The following PCM1 variants were observed in gnomAD, a reference collection of about 807,000 sequenced individuals.
The protein encoded by PCM1 is pericentriolar material 1.
Under a neutral mutation model 241.9 loss-of-function variants are expected in PCM1, and 157 were observed. That is an observed-to-expected ratio of 0.65 (90% CI 0.57 to 0.74). The LOEUF (loss-of-function observed/expected upper bound fraction) is 0.74. Among genes scored for constraint, PCM1 ranks in the 30% least tolerant of loss-of-function variants. The pLI, the probability that PCM1 is intolerant of heterozygous loss-of-function variation, is 0.00. For missense variants in PCM1, 3,478 were observed against 2,360.1 expected, an observed-to-expected ratio of 1.47 and a Z score of -9.81; for synonymous variants, 1,085 against 784.9, an observed-to-expected ratio of 1.38 and a Z score of -6.39.
chr8:17,932,919 T>A (rs2059441504), intron 2 of PCM1, among the ~76,000 whole-genome samples: 3 of 152,184 alleles, frequency 2.0e-5, no homozygotes, highest in African/African-American at 7.2e-5. Context: ...TACTGTGAAT[T>A]AACTTTTTTT....
At chr8:17,929,666 C>T (rs1489712252) in intron 2 of PCM1, among the ~76,000 whole-genome samples, 1 of 152,186 alleles carries the variant, frequency 6.6e-6, no homozygotes. Flanking sequence ...TCTTCTGCTT[C>T]TTTATCGCCC....
In PCM1 at chr8:17,949,568, G is replaced by A. The variant is rs140867952; in HGVS notation, c.962-1047G>A. On this transcript the variant is annotated intron_variant, in intron 7 of 38. Coordinates refer to ENST00000325083, the MANE Select transcript of PCM1 (RefSeq NM_006197.4). The stretch of plus-strand genomic sequence containing the variant: ...CTGGAATACAGTGGGCGTGATCTTG[G>A]CTCACTGCAGCCTCTGCCTCGCAGG... 7.4e-3 allele frequency among the ~76,000 whole-genome samples: 1,112 copies of A among 149,934 alleles called. 13 individuals carry two copies. The highest frequency in any genetic ancestry group is 0.025 in the African/African-American group (1,016 of 40,668).
chr8:17,949,802 T>C (rs2065312525), intron 7 of PCM1, among the ~76,000 whole-genome samples: 1 of 152,206 alleles, frequency 6.6e-6, no homozygotes, highest in African/African-American at 2.4e-5. Flanking sequence ...TGGCCACCAA[T>C]GTCTGTTTTA....
At chr8:17,982,094 G>A (rs958350946) in intron 24 of PCM1, among the ~76,000 whole-genome samples, 1 of 152,156 alleles carries the variant, frequency 6.6e-6, no homozygotes, top group Non-Finnish European at 1.5e-5. Flanking sequence ...ACATTTGTTT[G>A]CATTTTGAAA....
chr8:17,934,526 G>C (rs1231346872), intron 2 of PCM1, among the ~76,000 whole-genome samples: 1 of 152,172 alleles, frequency 6.6e-6, no homozygotes, highest in Non-Finnish European at 1.5e-5. Flanking sequence ...TTCTCAAAGT[G>C]CTGGGATTAC....
intron 29 of PCM1, among the ~76,000 whole-genome samples, chr8:18,005,031 C>T (rs1276258143): frequency 6.6e-6 from 1 of 152,108 alleles, no homozygotes; most frequent in Non-Finnish European, 1.5e-5. Flanking sequence ...GCTGTTTGTA[C>T]AAGTTGTCTT....
chr8:17,962,146 C>A lies in PCM1; in HGVS notation c.2435C>A (p.Pro812His), dbSNP rs772852962. ...ETSTSKSVFE[P>H]EDSSIVDNEL... Reference sequence around the variant, plus strand: ...AGTACAAGCAAATCTGTTTTTGAGCCTGAAGATTCTTCAATAGTAGATAAT... The same window carrying A: ...AGTACAAGCAAATCTGTTTTTGAGCATGAAGATTCTTCAATAGTAGATAAT... Residue 812 changes from proline (P) to histidine (H), a missense_variant, in exon 16 of 39, where the codon CCT (proline) becomes CAT (histidine). Transcript: ENST00000325083. The A allele has an allele frequency of 1.1e-5, 17 of 1,608,064 alleles. No individual in the cohort carries two copies. The highest frequency in any genetic ancestry group is 3.4e-5 in the Admixed American group (2 of 59,298).
rs1285233258 is a variant in PCM1 at position 17,960,373 on chromosome 8, G to A, written c.2251G>A (p.Glu751Lys). 3.1e-6 allele frequency: 5 copies of A among 1,608,550 alleles called. No homozygotes were observed. The highest frequency in any genetic ancestry group is 2.7e-5 in the African/African-American group (2 of 74,474). Residue 751 changes from glutamate (E) to lysine (K), a missense_variant, in exon 15 of 39, where the codon GAA (glutamate) becomes AAA (lysine). Coordinates refer to ENST00000325083, the MANE Select transcript of PCM1 (RefSeq NM_006197.4). Reference protein sequence around the residue: ...QQQRELKQLQEERKKLIDIQE... With the variant: ...QQQRELKQLQKERKKLIDIQE... ...ACAGAGAGAGCTAAAACAATTGCAG[G>A]AAGAAAGAAAGAAACTGATTGACAT...
At chr8:17,950,973 C>T (rs998384185) in intron 8 of PCM1, among the ~76,000 whole-genome samples, 2 of 152,168 alleles carry the variant, frequency 1.3e-5, no homozygotes, top group Non-Finnish European at 2.9e-5. Context: ...GGAGAGTTTA[C>T]TTTGAAGGAA....
chr8:17,996,412 T>A (rs2086768746), intron 29 of PCM1, among the ~76,000 whole-genome samples: 1 of 152,326 alleles, frequency 6.6e-6, no homozygotes, highest in Non-Finnish European at 1.5e-5. Flanking sequence ...ATCATCTTTT[T>A]AATGTGTTGT....
intron 22 of PCM1, among the ~76,000 whole-genome samples, chr8:17,970,557 T>C (rs1353861792): frequency 6.6e-6 from 1 of 152,102 alleles, no homozygotes; most frequent in East Asian, 1.9e-4. Flanking sequence ...TTCTATCTTT[T>C]TCCTGTTAAA....
At chr8:17,977,227 G>A (rs1215779670) in intron 23 of PCM1, among the ~76,000 whole-genome samples, 1 of 151,816 alleles carries the variant, frequency 6.6e-6, no homozygotes, top group Non-Finnish European at 1.5e-5. Context: ...ACTCTTTATT[G>A]CTGGTTTTAT....
chr8:17,928,445 C>A (rs1366282051), intron 2 of PCM1, among the ~76,000 whole-genome samples: 1 of 152,028 alleles, frequency 6.6e-6, no homozygotes, highest in Non-Finnish European at 1.5e-5. Flanking sequence ...TGCTAAGCAG[C>A]CTCCAACCCA....
Position 18,028,386 on chromosome 8 carries a change from AAAAT to A in PCM1, c.*727_*730del, listed in dbSNP as rs2094364217. 5.2e-6 allele frequency: 1 copy of A among 193,014 alleles called. No homozygotes were observed. The highest frequency in any genetic ancestry group is 2.3e-5 in the African/African-American group (1 of 43,102). 12.0% of individuals were successfully genotyped at this position (193,014 alleles called of 1,614,324 possible). ...ACATCGCCTCAGACTAAAAGTAAAA[AAAAT>A]AAGCTTTATATAATTAGGGAGATTT... On this transcript the variant is annotated 3_prime_UTR_variant, in exon 39 of 39. Coordinates refer to ENST00000325083, the MANE Select transcript of PCM1 (RefSeq NM_006197.4).
In PCM1 at chr8:18,004,212, G is replaced by T. The variant is rs542602785; in HGVS notation, c.4828-2051G>T. 3.9e-5 allele frequency among the ~76,000 whole-genome samples: 6 copies of T among 152,192 alleles called. No individual in the cohort carries two copies. The East Asian group carries it at 1.2e-3, about 29-fold the overall frequency. ...ATACAATAAAATATTTAATACTTGA[G>T]CGAAATAGAAGTCACCTTGAGTCTG... is the stretch of plus-strand genomic sequence containing the variant. On this transcript the variant is annotated intron_variant, in intron 29 of 38. Coordinates refer to ENST00000325083, the MANE Select transcript of PCM1 (RefSeq NM_006197.4).
intron 23 of PCM1, 116 bp from the exon 24 acceptor site, chr8:17,980,475 C>T: frequency 1.4e-6 from 1 of 718,504 alleles, no homozygotes; most frequent in African/African-American, 1.8e-5. Flanking sequence ...CTATTTATAC[C>T]AGGCCTTCCT....
chr8:18,009,627 C>A lies in PCM1; in HGVS notation c.5043C>A (p.Phe1681Leu). Reference protein sequence around the residue: ...DLLVEISEVLFNELAFFKLMQ... With the variant: ...DLLVEISEVLLNELAFFKLMQ... ...TTGTAGAGATATCTGAAGTGTTGTT[C>A]AATGAATTGGCTTTCTTTAAGCTTA... is the stretch of plus-strand genomic sequence containing the variant. The change falls in exon 31 of 39, where the codon TTC becomes TTA. Residue 1681 changes from phenylalanine to leucine, a missense_variant. Physicochemically the swap from Phe to Leu is conservative, Grantham distance 22. Transcript: ENST00000325083. 6.3e-7 allele frequency: 1 copy of A among 1,594,018 alleles called. No homozygotes were observed. Among genetic ancestry groups the A allele is most frequent in the Non-Finnish European group, 8.5e-7 (1 of 1,170,022 alleles).
intron 20 of PCM1, among the ~76,000 whole-genome samples, chr8:17,966,724 G>T (rs1279615678): frequency 6.6e-6 from 1 of 152,190 alleles, no homozygotes; most frequent in Non-Finnish European, 1.5e-5. Flanking sequence ...TTGTACCACA[G>T]TGAAGCTATA....
intron 22 of PCM1, 73 bp downstream of exon 22, chr8:17,969,821 A>G: frequency 8.8e-7 from 1 of 1,136,842 alleles, no homozygotes; most frequent in Non-Finnish European, 1.3e-6. Flanking sequence ...GTGTAATTTG[A>G]AAACACAACT....
Sources: allele counts gnomAD v4.1 joint callset (sites outside exome capture counted in the v4.1 genomes callset), GRCh38; gene constraint gnomAD v4.1.1; transcripts MANE v1.5; gene names NCBI Gene and HGNC (gene_info 2026-07-23, HGNC 2026-07-21).